WWC2: variants seen among roughly 807,000 people sequenced by gnomAD.
WWC2 encodes the protein WW and C2 domain containing 2.
In WWC2, 101 loss-of-function variants were observed where a neutral mutation model predicts 138.5. That is an observed-to-expected ratio of 0.73 (90% confidence interval 0.62 to 0.86). The LOEUF is 0.86. Among genes scored for constraint, WWC2 ranks in the 40% least tolerant of loss-of-function variants. The probability of loss-of-function intolerance (pLI) is 0.00; values close to 1 mark genes in which losing one functional copy is unlikely to be tolerated. For synonymous variants in WWC2, 558 were observed against 538.4 expected (o/e 1.04, Z -0.50); for missense variants, 1,420 against 1,419.4 (o/e 1.00, Z -0.01).
chr4:183,302,553 C>G (rs1396714818), intron 21 of WWC2, among the ~76,000 whole-genome samples: 2 of 139,696 alleles, frequency 1.4e-5, no homozygotes, highest in Non-Finnish European at 3.2e-5. Context: ...CAGTAAGAGG[C>G]AGCTTCTCAA....
intron 9 of WWC2, among the ~76,000 whole-genome samples, chr4:183,256,573 G>A (rs1737149732): frequency 6.6e-6 from 1 of 152,160 alleles, no homozygotes; most frequent in Admixed American, 6.5e-5. Flanking sequence ...CTTGCCAGCA[G>A]TGTCTCCTCA....
chr4:183,285,562 G>C (rs909469460), intron 19 of WWC2, among the ~76,000 whole-genome samples: 1 of 152,108 alleles, frequency 6.6e-6, no homozygotes, highest in African/African-American at 2.4e-5. Flanking sequence ...GAAGTTCGAG[G>C]CCAGCCTGGC....
At chr4:183,144,862 A>G (rs1733405438) in intron 1 of WWC2, among the ~76,000 whole-genome samples, 1 of 152,238 alleles carries the variant, frequency 6.6e-6, no homozygotes, top group African/African-American at 2.4e-5. Context: ...CTATTGGGAA[A>G]AAGTGTCATG....
At chr4:183,124,333 A>AT (rs1411745530) in intron 1 of WWC2, among the ~76,000 whole-genome samples, 1 of 150,902 alleles carries the variant, frequency 6.6e-6, no homozygotes, top group Non-Finnish European at 1.5e-5. Context: ...TCCTGTTCTC[A>AT]TTTATAGCTT....
intron 1 of WWC2, among the ~76,000 whole-genome samples, chr4:183,150,103 G>T (rs892066750): frequency 6.6e-6 from 1 of 152,150 alleles, no homozygotes; most frequent in Non-Finnish European, 1.5e-5. Flanking sequence ...TTGGTTCTTA[G>T]GTTGGACAGG....
chr4:183,255,391 TC>T (rs1737105124), intron 9 of WWC2, among the ~76,000 whole-genome samples: 1 of 152,196 alleles, frequency 6.6e-6, no homozygotes, highest in Non-Finnish European at 1.5e-5. Flanking sequence ...CTGTTGTTTT[TC>T]TGAATTACCC....
In WWC2 at chr4:183,317,459, A is replaced by T. The variant is rs1417497663; in HGVS notation, c.*1730A>T. On this transcript the variant is annotated 3_prime_UTR_variant, in exon 23 of 23. Transcript: ENST00000403733. ...ACAGTCCTTTAAGGCTGCCCAGTTC[A>T]TTCTATTAGATGACTAAGGAAAACT... 1 of 152,648 alleles carries T rather than the reference A, an allele frequency of 6.6e-6. No individual in the cohort carries two copies. The highest frequency in any genetic ancestry group is 2.4e-5 in the African/African-American group (1 of 41,470). 9.5% of individuals were successfully genotyped at this position (152,648 alleles called of 1,614,324 possible).
At chr4:183,238,203 G>A (rs1460180970) in intron 4 of WWC2, among the ~76,000 whole-genome samples, 2 of 152,140 alleles carry the variant, frequency 1.3e-5, no homozygotes, top group Admixed American at 6.5e-5. Context: ...CTCCAGGAAA[G>A]CACCTTCGTC....
chr4:183,267,137 G>A (rs748952423), intron 14 of WWC2, among the ~76,000 whole-genome samples: 1 of 151,830 alleles, frequency 6.6e-6, no homozygotes, highest in Non-Finnish European at 1.5e-5. Flanking sequence ...GATTACAGGC[G>A]TGAGCCACCG....
intron 4 of WWC2, among the ~76,000 whole-genome samples, chr4:183,226,496 A>G (rs924150485): frequency 3.3e-5 from 5 of 152,094 alleles, no homozygotes; most frequent in South Asian, 2.1e-4. Context: ...GGGAATTTAT[A>G]TAGGCTTAAA....
At chr4:183,289,294 C>T in intron 20 of WWC2, 99 bp from the exon 21 acceptor site, 1 of 1,491,946 alleles carries the variant, frequency 6.7e-7, no homozygotes, top group Non-Finnish European at 9.0e-7. Flanking sequence ...TTCTAGGGTG[C>T]AAGGAAGCAC....
intron 5 of WWC2, among the ~76,000 whole-genome samples, chr4:183,244,869 T>C (rs934305236): frequency 2.6e-5 from 4 of 152,076 alleles, no homozygotes; most frequent in Non-Finnish European, 5.9e-5. Context: ...AGCAGTGGGA[T>C]CATTCAAACA....
intron 4 of WWC2, among the ~76,000 whole-genome samples, chr4:183,229,495 G>A (rs953935289): frequency 1.3e-5 from 2 of 151,958 alleles, no homozygotes; most frequent in African/African-American, 4.8e-5. Flanking sequence ...AAAAACAGGT[G>A]ATTTATACTA....
intron 4 of WWC2, among the ~76,000 whole-genome samples, chr4:183,215,205 C>A (rs1021578986): frequency 6.6e-6 from 1 of 152,206 alleles, no homozygotes; most frequent in African/African-American, 2.4e-5. Context: ...ATTGAACAGT[C>A]ATCGCATTAT....
chr4:183,232,670 C>CA (rs1227196727), intron 4 of WWC2, among the ~76,000 whole-genome samples: 1 of 149,810 alleles, frequency 6.7e-6, no homozygotes, highest in African/African-American at 2.5e-5. Context: ...TTTTTTGAGA[C>CA]AGAGTTTCTC....
At chr4:183,298,238 A>G (rs1738704192) in intron 21 of WWC2, among the ~76,000 whole-genome samples, 1 of 152,216 alleles carries the variant, frequency 6.6e-6, no homozygotes, top group African/African-American at 2.4e-5. Flanking sequence ...TCCATGCCAT[A>G]GCTATTGTTT....
chr4:183,229,337 A>T (rs1001588276), intron 4 of WWC2, among the ~76,000 whole-genome samples: 4 of 152,092 alleles, frequency 2.6e-5, no homozygotes, highest in South Asian at 2.1e-4. Context: ...GAAAAAGAGG[A>T]TATTTGCATT....
intron 14 of WWC2, among the ~76,000 whole-genome samples, chr4:183,267,185 G>A (rs981290432): frequency 1.3e-5 from 2 of 152,044 alleles, no homozygotes; most frequent in Admixed American, 1.3e-4. Flanking sequence ...GTGTTGACAA[G>A]CATCAAAGCT....
intron 9 of WWC2, among the ~76,000 whole-genome samples, chr4:183,257,093 T>C (rs544033326): frequency 2.2e-4 from 34 of 152,300 alleles, no homozygotes; most frequent in African/African-American, 8.2e-4. Context: ...ATTCTTCCCA[T>C]GCAGTTATTG....
Sources: allele counts gnomAD v4.1 joint callset (sites outside exome capture counted in the v4.1 genomes callset), GRCh38; gene constraint gnomAD v4.1.1; transcripts MANE v1.5; gene names NCBI Gene and HGNC (gene_info 2026-07-23, HGNC 2026-07-21).